The following TRIM36 variants were observed in gnomAD, a reference collection of about 807,000 sequenced individuals.
TRIM36 encodes E3 ubiquitin-protein ligase TRIM36.
A neutral mutation model predicts 72.4 loss-of-function variants in TRIM36; 42 were observed. The observed-to-expected ratio is 0.58, with a 90% CI of 0.45 to 0.75. TRIM36 has a LOEUF of 0.75. Ranked by LOEUF, TRIM36 falls within the 30% of genes least tolerant of loss-of-function variation. The probability of loss-of-function intolerance (pLI) is 0.00; values close to 1 mark genes in which losing one functional copy is unlikely to be tolerated. For synonymous variants in TRIM36, 315 were observed against 282.8 expected (o/e 1.11, Z -1.14); for missense variants, 913 against 857.1 (o/e 1.07, Z -0.81).
At chr5:115,130,964 T>C in intron 8 of TRIM36, 75 bp from the exon 9 acceptor site, 2 of 1,464,650 alleles carry the variant, frequency 1.4e-6, no homozygotes, top group East Asian at 2.3e-5. Flanking sequence ...TAGGTTTTCT[T>C]ACAGAAATTA....
At chr5:115,168,053 C>A (rs899484617) in intron 1 of TRIM36, among the ~76,000 whole-genome samples, 1 of 152,100 alleles carries the variant, frequency 6.6e-6, no homozygotes, top group Non-Finnish European at 1.5e-5. Context: ...TTCACTATCA[C>A]GAAAACAGCA....
chr5:115,170,937 G>A (rs1755085777), upstream of TRIM36, among the ~76,000 whole-genome samples: 1 of 152,244 alleles, frequency 6.6e-6, no homozygotes, highest in Non-Finnish European at 1.5e-5. Context: ...TGTGTTTCTG[G>A]TGTTGTTTTC....
chr5:115,151,789 C>T (rs1228138563), intron 2 of TRIM36, among the ~76,000 whole-genome samples: 1 of 152,152 alleles, frequency 6.6e-6, no homozygotes, highest in Non-Finnish European at 1.5e-5. Context: ...AGAACAATCA[C>T]TACAACTCGA....
rs1410499774 is a variant in TRIM36 at position 115,126,432 on chromosome 5, A to G, written c.*71T>C. On this transcript the variant is annotated 3_prime_UTR_variant, in exon 10 of 10. Transcript: ENST00000513154. ...ACAGAACACTCAGCGATATGTAATT[A>G]GTTACGAAGGTTAACGCTAAGGCAT... 2.5e-6 allele frequency: 3 copies of G among 1,203,252 alleles called. No homozygotes were observed. The highest frequency in any genetic ancestry group is 3.5e-6 in the Non-Finnish European group (3 of 863,730). 74.5% of individuals were successfully genotyped at this position (1,203,252 alleles called of 1,614,324 possible).
chr5:115,126,778 T>G lies in TRIM36; in HGVS notation c.1876A>C (p.Ile626Leu). ...DSSQPFTLVTIGMQKFFIPKS... is the reference protein window; with the variant it reads ...DSSQPFTLVTLGMQKFFIPKS... ...GGTATAAAAAATTTCTGCATGCCTA[T>G]AGTAACTAAGGTAAATGGTTGTGAA... is the stretch of plus-strand genomic sequence containing the variant. The change falls in exon 10 of 10, where the codon ATA becomes CTA. Residue 626 changes from isoleucine (I) to leucine (L), a missense_variant. By Grantham distance (5) the Ile-to-Leu change is conservative. Transcript: ENST00000513154. 6.2e-7 allele frequency: 1 copy of G among 1,614,170 alleles called. No individual in the cohort carries two copies. Among genetic ancestry groups the G allele is most frequent in the Non-Finnish European group, 8.5e-7 (1 of 1,180,028 alleles).
rs1752325739 is a variant in TRIM36 at position 115,125,469 on chromosome 5, C to T, written c.*1034G>A. On this transcript the variant is annotated 3_prime_UTR_variant, in exon 10 of 10. Coordinates refer to ENST00000513154, the MANE Select transcript of TRIM36 (RefSeq NM_001300759.2). The stretch of plus-strand genomic sequence containing the variant: ...TATTACCAATGAGAAACAGAAAATG[C>T]CACATAAGTGAACATTTAAATGTTA... 1 of 151,914 alleles carries T rather than the reference C, an allele frequency of 6.6e-6. No individual in the cohort carries two copies. Among genetic ancestry groups the T allele is most frequent in the African/African-American group, 2.4e-5 (1 of 41,396 alleles). 9.4% of individuals were successfully genotyped at this position (151,914 alleles called of 1,614,324 possible).
chr5:115,125,041 G>A lies in TRIM36; in HGVS notation c.*1462C>T, dbSNP rs1311954939. ...AATTAACAGCCTGCTAAACACTGAA[G>A]TTCTCCATGATATTTGCTACTTGAG... On this transcript the variant is annotated 3_prime_UTR_variant, in exon 10 of 10. Coordinates refer to ENST00000513154, the MANE Select transcript of TRIM36 (RefSeq NM_001300759.2). The A allele has an allele frequency of 6.6e-6, 1 of 152,416 alleles. No homozygotes were observed. Among genetic ancestry groups the A allele is most frequent in the African/African-American group, 2.4e-5 (1 of 41,404 alleles). 9.4% of individuals were successfully genotyped at this position (152,416 alleles called of 1,614,324 possible). A position where few individuals can be genotyped will look rare whatever the true frequency, so the allele number is the denominator to read the frequency against.
At chr5:115,162,737 T>A (rs780067264) in intron 2 of TRIM36, among the ~76,000 whole-genome samples, 3 of 152,064 alleles carry the variant, frequency 2.0e-5, no homozygotes, top group Non-Finnish European at 4.4e-5. Flanking sequence ...TAGGACTGAT[T>A]TCAAGGGATG....
chr5:115,177,871 G>A (rs1163520221), intron 1 of TRIM36: 1 of 1,614,012 alleles, frequency 6.2e-7, no homozygotes, highest in South Asian at 1.1e-5. Flanking sequence ...CATTGCTGAA[G>A]CCTAGTGAAG....
Position 115,125,349 on chromosome 5 carries a change from A to G in TRIM36, c.*1154T>C, listed in dbSNP as rs926816810. On this transcript the variant is annotated 3_prime_UTR_variant, in exon 10 of 10. Transcript: ENST00000513154. ...TAGATAGAATGTAATTCCTCAAATTAAAAGATATTTTAAAGGGTACACAGT... is the reference window on the plus strand; with the variant it reads ...TAGATAGAATGTAATTCCTCAAATTGAAAGATATTTTAAAGGGTACACAGT... The G allele has an allele frequency of 1.3e-5, 2 of 152,174 alleles. No homozygotes were observed. The highest frequency in any genetic ancestry group is 2.9e-5 in the Non-Finnish European group (2 of 67,976). 9.4% of individuals were successfully genotyped at this position (152,174 alleles called of 1,614,324 possible). A position where few individuals can be genotyped will look rare whatever the true frequency, so the allele number is the denominator to read the frequency against.
intron 1 of TRIM36, chr5:115,168,956 G>A (rs1049452103): frequency 2.6e-5 from 4 of 152,224 alleles, no homozygotes; most frequent in African/African-American, 7.2e-5. Flanking sequence ...TGGACATAAA[G>A]TATTTCTTAC....
chr5:115,169,706 G>A lies in TRIM36; in HGVS notation c.-72C>T. 1 of 1,493,208 alleles carries A rather than the reference G, an allele frequency of 6.7e-7. No individual in the cohort carries two copies. The highest frequency in any genetic ancestry group is 8.9e-7 in the Non-Finnish European group (1 of 1,120,390). The allele number at this position is 1,493,208 out of a possible 1,614,324, so 92.5% of individuals were successfully genotyped here. On this transcript the variant is annotated 5_prime_UTR_variant, in exon 1 of 10. Coordinates refer to ENST00000513154, the MANE Select transcript of TRIM36 (RefSeq NM_001300759.2). ...GGCTACCGAGCGCAGGGTCTGGTGG[G>A]CGGGTCCCTGCGGCGGCCGTGGAGC...
chr5:115,154,636 G>A (rs904569077), intron 2 of TRIM36, among the ~76,000 whole-genome samples: 1 of 152,130 alleles, frequency 6.6e-6, no homozygotes, highest in Non-Finnish European at 1.5e-5. Flanking sequence ...CTTAAATTAG[G>A]AAGAATTAGA....
At chr5:115,172,340 G>C (rs1184862468), upstream of TRIM36, among the ~76,000 whole-genome samples, 1 of 152,150 alleles carries the variant, frequency 6.6e-6, no homozygotes, top group East Asian at 1.9e-4. Context: ...CATGTACAAA[G>C]AGCTTATTGA....
intron 2 of TRIM36, among the ~76,000 whole-genome samples, 177 bp from the exon 3 acceptor site, chr5:115,147,571 CA>C (rs1486665893): frequency 6.6e-6 from 1 of 152,016 alleles, no homozygotes; most frequent in Non-Finnish European, 1.5e-5. Flanking sequence ...CCTTAGTATA[CA>C]AAAGACAAGC....
At chr5:115,151,388 A>T (rs918043201) in intron 2 of TRIM36, among the ~76,000 whole-genome samples, 1 of 151,972 alleles carries the variant, frequency 6.6e-6, no homozygotes, top group Non-Finnish European at 1.5e-5. Context: ...CTGCTCAAGG[A>T]GAGTCTGAGC....
intron 8 of TRIM36, among the ~76,000 whole-genome samples, chr5:115,131,337 A>T (rs1026454519): frequency 6.6e-6 from 1 of 152,176 alleles, no homozygotes; most frequent in Non-Finnish European, 1.5e-5. Flanking sequence ...TTCTGTATCA[A>T]CCAACATGGC....
At chr5:115,148,003 T>A (rs765086042) in intron 2 of TRIM36, among the ~76,000 whole-genome samples, 2 of 152,172 alleles carry the variant, frequency 1.3e-5, no homozygotes, top group Non-Finnish European at 2.9e-5. Flanking sequence ...AACACTACAA[T>A]AGAAGCTTTC....
intron 9 of TRIM36, 93 bp from the exon 10 acceptor site, chr5:115,126,950 A>T (rs1752390692): frequency 1.6e-6 from 2 of 1,253,872 alleles, no homozygotes; most frequent in Non-Finnish European, 2.2e-6. Flanking sequence ...ATGTAAAGTT[A>T]AAATAGTTTT....
Sources: gnomAD v4.1 joint callset for allele counts (sites outside exome capture counted in the v4.1 genomes callset) on GRCh38, gnomAD v4.1.1 for gene constraint, MANE v1.5 for transcripts, NCBI Gene and HGNC (gene_info 2026-07-23, HGNC 2026-07-21) for gene names.